Variants in SIGMAR1 observed in about 807,000 individuals in gnomAD.
The protein encoded by SIGMAR1 is SR31747 binding protein 1.
SIGMAR1 carries 18 observed loss-of-function variants against 25.4 expected under a neutral mutation model. The ratio of observed to expected loss-of-function variants is 0.71; its 90% CI spans 0.49 to 1.05. The LOEUF (loss-of-function observed/expected upper bound fraction) is 1.05, where lower values mean the gene tolerates loss of function less well. Ranked by LOEUF, SIGMAR1 falls within the 50% of genes least tolerant of loss-of-function variation. The pLI, the probability that SIGMAR1 is intolerant of heterozygous loss-of-function variation, is 0.00. For synonymous variants in SIGMAR1, 125 were observed against 131.6 expected (o/e 0.95, Z 0.34); for missense variants, 249 against 301.6 (o/e 0.83, Z 1.29).
intron 3 of SIGMAR1, chr9:34,636,681 G>C: frequency 2.1e-6 from 1 of 469,014 alleles, no homozygotes; most frequent in Non-Finnish European, 4.0e-6. Flanking sequence ...GTCTTTTGGG[G>C]TATTGAGAGC....
Position 34,637,781 on chromosome 9 carries a change from T to C in SIGMAR1, c.-84A>G, listed in dbSNP as rs952503399. ...GCTCACGGCCTCGGAGCCCGCCGGC[T>C]GCCCACGAAGCGCTCCCCCGCCACC... On this transcript the variant is annotated 5_prime_UTR_variant, in exon 1 of 4. Coordinates refer to ENST00000277010, the MANE Select transcript of SIGMAR1 (RefSeq NM_005866.4). The C allele has an allele frequency of 5.1e-5, 54 of 1,065,798 alleles. 1 individual carries two copies. In the Middle Eastern group the frequency reaches 1.9e-3, roughly 38 times the overall value. The allele number at this position is 1,065,798 out of a possible 1,614,324, so 66.0% of individuals were successfully genotyped here. A position where few individuals can be genotyped will look rare whatever the true frequency, so the allele number is the denominator to read the frequency against.
Position 34,635,569 on chromosome 9 carries a change from A to C in SIGMAR1, c.*63T>G. On this transcript the variant is annotated 3_prime_UTR_variant, in exon 4 of 4. Transcript: ENST00000277010. This position sits in a 1 kb window ranked among gnomAD's most constrained non-coding sequence, Gnocchi z 4.5. Reference sequence around the variant, plus strand: ...CTGTCTGTAAACATGGGCTCCAGCAAGTGGATATGTGCGGGCCTGCCCGCT... The same window carrying C: ...CTGTCTGTAAACATGGGCTCCAGCACGTGGATATGTGCGGGCCTGCCCGCT... 1 of 1,606,966 alleles carries C rather than the reference A, an allele frequency of 6.2e-7. No individual in the cohort carries two copies. Among genetic ancestry groups the C allele is most frequent in the Non-Finnish European group, 8.5e-7 (1 of 1,177,044 alleles).
intron 3 of SIGMAR1, 62 bp downstream of exon 3, chr9:34,636,935 C>T (rs1820886006): frequency 7.3e-7 from 1 of 1,372,274 alleles, no homozygotes; most frequent in Non-Finnish European, 1.0e-6. Context: ...CCATGCTCCC[C>T]GCAATTGTGG....
At position 34,635,967 on chromosome 9, in the gene SIGMAR1, T is replaced by G; in HGVS notation, c.446-109A>C. The G allele has an allele frequency of 6.6e-7, 1 of 1,512,808 alleles. No homozygotes were observed. The highest frequency in any genetic ancestry group is 8.9e-7 in the Non-Finnish European group (1 of 1,120,668). 93.7% of individuals were successfully genotyped at this position (1,512,808 alleles called of 1,614,324 possible). ...TAGGGGTGGGGAATGGAGAGGGAGCTTCAGAAAAACAAAAAGCCCTACCTC... is the reference window on the plus strand; with the variant it reads ...TAGGGGTGGGGAATGGAGAGGGAGCGTCAGAAAAACAAAAAGCCCTACCTC... On this transcript the variant is annotated intron_variant, in intron 3 of 3. Transcript: ENST00000277010. The surrounding 1 kb of genome is among the most constrained non-coding windows in gnomAD (Gnocchi z 4.5).
chr9:34,636,253 T>C (rs1187364083), intron 3 of SIGMAR1, among the ~76,000 whole-genome samples: 1 of 145,560 alleles, frequency 6.9e-6, no homozygotes, highest in African/African-American at 2.6e-5. Flanking sequence ...CTGCGATGCA[T>C]ACACCCAACC....
Position 34,635,596 on chromosome 9 carries a change from C to T in SIGMAR1, c.*36G>A, listed in dbSNP as rs1820817184. Reference sequence around the variant, plus strand: ...TGGATATGTGCGGGCCTGCCCGCTCCTGTCTATCCGCAGGTCTTCCTTCAG... The same window carrying T: ...TGGATATGTGCGGGCCTGCCCGCTCTTGTCTATCCGCAGGTCTTCCTTCAG... On this transcript the variant is annotated 3_prime_UTR_variant, in exon 4 of 4. Coordinates refer to ENST00000277010, the MANE Select transcript of SIGMAR1 (RefSeq NM_005866.4). The surrounding 1 kb of genome is among the most constrained non-coding windows in gnomAD (Gnocchi z 4.5). 2 of 1,613,388 alleles carry T rather than the reference C, an allele frequency of 1.2e-6. No homozygotes were observed. The highest frequency in any genetic ancestry group is 1.6e-4 in the Middle Eastern group (1 of 6,066).
At position 34,635,947 on chromosome 9, in the gene SIGMAR1, G is replaced by T; in HGVS notation, c.446-89C>A. The stretch of plus-strand genomic sequence containing the variant: ...TCCCTGGCCCATGGACTAACTAGGG[G>T]TGGGGAATGGAGAGGGAGCTTCAGA... On this transcript the variant is annotated intron_variant, in intron 3 of 3. Transcript: ENST00000277010. The surrounding 1 kb of genome is among the most constrained non-coding windows in gnomAD (Gnocchi z 4.5). 1.3e-6 allele frequency: 2 copies of T among 1,574,668 alleles called. No individual in the cohort carries two copies. Among genetic ancestry groups the T allele is most frequent in the Non-Finnish European group, 1.7e-6 (2 of 1,159,866 alleles).
chr9:34,635,253 C>T lies in SIGMAR1; in HGVS notation c.*379G>A. The T allele has an allele frequency of 2.8e-6, 1 of 352,272 alleles. No homozygotes were observed. Among genetic ancestry groups the T allele is most frequent in the Admixed American group, 3.9e-5 (1 of 25,782 alleles). 21.8% of individuals were successfully genotyped at this position (352,272 alleles called of 1,614,324 possible). On this transcript the variant is annotated 3_prime_UTR_variant, in exon 4 of 4. Transcript: ENST00000277010. The surrounding 1 kb of genome is among the most constrained non-coding windows in gnomAD (Gnocchi z 4.5). ...GAGGCAGTATAATACCCTCCCCCAT[C>T]CTTAACTCTAGAACCCCGGTTTGGT... is the stretch of plus-strand genomic sequence containing the variant.
chr9:34,637,717 C>A lies in SIGMAR1; in HGVS notation c.-20G>T, dbSNP rs1447477253. ...CTGCATCCCGGCGGGCGGCCTGGCA[C>A]GGCGCAGCTCAGGAGGGAGCCGGGG... On this transcript the variant is annotated 5_prime_UTR_variant, in exon 1 of 4. Coordinates refer to ENST00000277010, the MANE Select transcript of SIGMAR1 (RefSeq NM_005866.4). 2.7e-6 allele frequency: 4 copies of A among 1,499,830 alleles called. No homozygotes were observed. Among genetic ancestry groups the A allele is most frequent in the Non-Finnish European group, 3.5e-6 (4 of 1,126,944 alleles). The allele number at this position is 1,499,830 out of a possible 1,614,324, so 92.9% of individuals were successfully genotyped here.
At chr9:34,637,498 G>C in intron 1 of SIGMAR1, 49 bp downstream of exon 1, 2 of 1,580,326 alleles carry the variant, frequency 1.3e-6, no homozygotes, top group South Asian at 1.1e-5. Flanking sequence ...GGAACCCTAG[G>C]CTCCGCTCCC....
Position 34,635,407 on chromosome 9 carries a change from G to T in SIGMAR1, c.*225C>A. On this transcript the variant is annotated 3_prime_UTR_variant, in exon 4 of 4. Transcript: ENST00000277010. This position sits in a 1 kb window ranked among gnomAD's most constrained non-coding sequence, Gnocchi z 4.5. ...GCTCCCTCTCCAGATGGGTGTGAGT[G>T]CATGGTCCTACTGTACACACAGGTC... 1 of 644,050 alleles carries T rather than the reference G, an allele frequency of 1.6e-6. No homozygotes were observed. The highest frequency in any genetic ancestry group is 2.7e-6 in the Non-Finnish European group (1 of 375,668). 39.9% of individuals were successfully genotyped at this position (644,050 alleles called of 1,614,324 possible).
In SIGMAR1 at chr9:34,635,868, A is replaced by G. The variant is rs2132324834; in HGVS notation, c.446-10T>C. ...TGTACTACCGTCTCCCCTGGGGGAC[A>G]GGGAGCACCCAAGTGAAAAGCCAGC... is the stretch of plus-strand genomic sequence containing the variant. On this transcript the variant is annotated splice_polypyrimidine_tract_variant and intron_variant, in intron 3 of 3. Transcript: ENST00000277010. The surrounding 1 kb of genome is among the most constrained non-coding windows in gnomAD (Gnocchi z 4.5). 2 of 1,613,792 alleles carry G rather than the reference A, an allele frequency of 1.2e-6. No individual in the cohort carries two copies. The highest frequency in any genetic ancestry group is 8.5e-7 in the Non-Finnish European group (1 of 1,179,998).
rs1278727943 is a variant in SIGMAR1 at position 34,637,041 on chromosome 9, T to C, written c.401A>G (p.His134Arg). 6.2e-7 allele frequency: 1 copy of C among 1,614,002 alleles called. No homozygotes were observed. The highest frequency in any genetic ancestry group is 8.5e-7 in the Non-Finnish European group (1 of 1,180,038). The change falls in exon 3 of 4, where the codon CAC becomes CGC. Residue 134 changes from histidine to arginine, a missense_variant. Transcript: ENST00000277010. ...TTTGGTGGTGCCCTCTCTCCACTGG[T>C]GGAAGGTGCCAGAGATGATGGTATC... ...ISDTIISGTF[H>R]QWREGTTKSE... is the part of the protein sequence containing the mutation.
At chr9:34,636,963 G>A (rs1271011099) in intron 3 of SIGMAR1, 34 bp downstream of exon 3, 1 of 1,574,220 alleles carries the variant, frequency 6.4e-7, no homozygotes, top group Non-Finnish European at 8.7e-7. Flanking sequence ...CCGCGTGAAG[G>A]GACCCACTTC....
chr9:34,636,929 G>T, intron 3 of SIGMAR1, 68 bp downstream of exon 3: 2 of 1,287,796 alleles, frequency 1.6e-6, no homozygotes, highest in African/African-American at 1.5e-5. Flanking sequence ...TCCATGCCAT[G>T]CTCCCCGCAA....
Position 34,637,215 on chromosome 9 carries a change from C to T in SIGMAR1, c.352+5G>A, listed in dbSNP as rs1279900898. On this transcript the variant is annotated splice_donor_5th_base_variant and intron_variant, in intron 2 of 3. Coordinates refer to ENST00000277010, the MANE Select transcript of SIGMAR1 (RefSeq NM_005866.4). ...CTCCCAGTCTGGCCCGCCGCTAGCA[C>T]TGACCCGAGTGGCCGCGGGAGCCCA... The T allele has an allele frequency of 5.8e-6, 9 of 1,558,404 alleles. No individual in the cohort carries two copies. Among genetic ancestry groups the T allele is most frequent in the South Asian group, 1.2e-5 (1 of 86,394 alleles).
Position 34,635,727 on chromosome 9 carries a change from T to C in SIGMAR1, c.577A>G (p.Thr193Ala), listed in dbSNP as rs766786298. ...TAGAAGAGGGTGAGGAAGTCCTGGG[T>C]GCTGAAGACAGTGTCGGCCAGCGCG... is the stretch of plus-strand genomic sequence containing the variant. ...AFALADTVFS[T>A]QDFLTLFYTL... is the part of the protein sequence containing the mutation. The change falls in exon 4 of 4, where the codon ACC (threonine) becomes GCC (alanine). Residue 193 changes from threonine to alanine, a missense_variant. Thr to Ala is a moderately conservative substitution (Grantham distance 58). Transcript: ENST00000277010. The surrounding 1 kb of genome is among the most constrained non-coding windows in gnomAD (Gnocchi z 4.5). 2.5e-6 allele frequency: 4 copies of C among 1,614,220 alleles called. No individual in the cohort carries two copies. The highest frequency in any genetic ancestry group is 1.1e-5 in the South Asian group (1 of 91,092).
At position 34,635,647 on chromosome 9, in the gene SIGMAR1, A is replaced by G. The variant is rs2132323789; in HGVS notation, c.657T>C (p.Phe219=). ...GLRLELTTYL[F]GQDP ...GCCTGGCTGGTCAAGGGTCCTGGCC[A>G]AAGAGGTAGGTGGTGAGCTCAAGCC... The change falls in exon 4 of 4, where the codon TTT becomes TTC. Residue 219 remains phenylalanine (F), a synonymous_variant. Transcript: ENST00000277010. This position sits in a 1 kb window ranked among gnomAD's most constrained non-coding sequence, Gnocchi z 4.5. The G allele has an allele frequency of 6.2e-7, 1 of 1,614,174 alleles. No homozygotes were observed. The highest frequency in any genetic ancestry group is 8.5e-7 in the Non-Finnish European group (1 of 1,179,994).
intron 3 of SIGMAR1, 40 bp downstream of exon 3, chr9:34,636,957 G>C (rs377254754): frequency 6.4e-7 from 1 of 1,550,636 alleles, no homozygotes; most frequent in Non-Finnish European, 8.9e-7. Context: ...CACCCCCCGC[G>C]TGAAGGGACC....
Sources: gnomAD v4.1 joint callset for allele counts (sites outside exome capture counted in the v4.1 genomes callset) on GRCh38, gnomAD v4.1.1 for gene constraint, Gnocchi (gnomAD v3.1) non-coding constraint, MANE v1.5 for transcripts, NCBI Gene and HGNC (gene_info 2026-07-23, HGNC 2026-07-21) for gene names.